Variants in GLRB observed in about 807,000 individuals in gnomAD.
GLRB encodes the protein glycine receptor subunit beta.
A neutral mutation model predicts 54.2 loss-of-function variants in GLRB; 33 were observed. The ratio of observed to expected loss-of-function variants is 0.61; its 90% CI spans 0.46 to 0.81. The LOEUF (loss-of-function observed/expected upper bound fraction) is 0.81. Among genes scored for constraint, GLRB ranks in the 40% least tolerant of loss-of-function variants. The pLI is 0.00. For missense variants in GLRB, 572 were observed against 584.6 expected (o/e 0.98, Z 0.22); for synonymous variants, 209 against 208.2 (o/e 1.00, Z -0.03).
chr4:157,087,424 TCTC>T (rs892383695), intron 2 of GLRB, among the ~76,000 whole-genome samples: 2 of 152,106 alleles, frequency 1.3e-5, no homozygotes, highest in Non-Finnish European at 2.9e-5. Context: ...ATCTCAATAA[TCTC>T]CTAATTTTAT....
At chr4:157,162,161 T>A (rs1169948982) in intron 9 of GLRB, among the ~76,000 whole-genome samples, 1 of 152,220 alleles carries the variant, frequency 6.6e-6, no homozygotes, top group Non-Finnish European at 1.5e-5. Context: ...GTAGTTCTCG[T>A]GCCATGGTTT....
At chr4:157,078,924 C>T (rs887261086) in intron 2 of GLRB, among the ~76,000 whole-genome samples, 3 of 152,270 alleles carry the variant, frequency 2.0e-5, no homozygotes, top group East Asian at 1.9e-4. Flanking sequence ...AGGTGCCCAC[C>T]ACCACGCCCA....
rs1333623955 is a variant in GLRB at position 157,120,080 on chromosome 4, G to GT, written c.123-475dup. Among the ~76,000 whole-genome samples, 11 of 151,826 alleles carry GT rather than the reference G, an allele frequency of 7.2e-5. No individual in the cohort carries two copies. The South Asian group carries it at 2.1e-3, about 29-fold the overall frequency. On this transcript the variant is annotated intron_variant, in intron 2 of 9. Transcript: ENST00000264428. ...AAAAAATGGTGAGTTCATGTCCTTT[G>GT]TAGGGACATGGATGAAACTGGAAAT... is the stretch of plus-strand genomic sequence containing the variant.
chr4:157,138,851 G>C lies in GLRB; in HGVS notation c.653G>C (p.Gly218Ala), dbSNP rs146321769. 1 of 1,565,202 alleles carries C rather than the reference G, an allele frequency of 6.4e-7. No homozygotes were observed. Among genetic ancestry groups the C allele is most frequent in the Non-Finnish European group, 8.8e-7 (1 of 1,136,440 alleles). ...GATTTACGATTTATCTGGCAGTCAG[G>C]AGATCCTGTGCAATTAGAAAAAATT... Reference protein sequence around the residue: ...TDDLRFIWQSGDPVQLEKIAL... With the variant: ...TDDLRFIWQSADPVQLEKIAL... The change falls in exon 7 of 10, where the codon GGA becomes GCA. Residue 218 changes from glycine (G) to alanine (A), a missense_variant. Coordinates refer to ENST00000264428, the MANE Select transcript of GLRB (RefSeq NM_000824.5).
Position 157,166,486 on chromosome 4 carries a change from G to C in GLRB, c.1198-3946G>C, listed in dbSNP as rs530861649. Among the ~76,000 whole-genome samples the C allele has an allele frequency of 1.4e-3, 211 of 152,054 alleles. 2 individuals are homozygous for C. The highest frequency in any genetic ancestry group is 4.7e-3 in the African/African-American group (196 of 41,524). ...CTTTGTGTAAAATCTGTGATGAATG[G>C]GGCAAGGAGACTAGCCAACTACTTA... On this transcript the variant is annotated intron_variant, in intron 9 of 9. Coordinates refer to ENST00000264428, the MANE Select transcript of GLRB (RefSeq NM_000824.5).
chr4:157,157,629 T>C (rs1737285190), intron 9 of GLRB, among the ~76,000 whole-genome samples: 1 of 152,168 alleles, frequency 6.6e-6, no homozygotes, highest in African/African-American at 2.4e-5. Context: ...CTCAGAATGA[T>C]TGTTTCCAGC....
chr4:157,160,109 G>C (rs1480033915), intron 9 of GLRB, among the ~76,000 whole-genome samples: 2 of 152,146 alleles, frequency 1.3e-5, no homozygotes, highest in African/African-American at 4.8e-5. Flanking sequence ...AGATTTTCTA[G>C]TTTATTTGTG....
intron 2 of GLRB, among the ~76,000 whole-genome samples, chr4:157,117,591 G>C (rs1390317344): frequency 6.6e-6 from 1 of 151,624 alleles, no homozygotes; most frequent in South Asian, 2.1e-4. Flanking sequence ...TCAATGCTGG[G>C]AAGATTCTGA....
Position 157,087,143 on chromosome 4 carries a change from G to T in GLRB, c.122+8997G>T, listed in dbSNP as rs546849422. Among the ~76,000 whole-genome samples, 232 of 152,244 alleles carry T rather than the reference G, an allele frequency of 1.5e-3. 1 individual carries two copies. Among genetic ancestry groups the T allele is most frequent in the African/African-American group, 5.3e-3 (220 of 41,552 alleles). On this transcript the variant is annotated intron_variant, in intron 2 of 9. Coordinates refer to ENST00000264428, the MANE Select transcript of GLRB (RefSeq NM_000824.5). Reference sequence around the variant, plus strand: ...TAGTTCAAAGAAAATTAAATGGATAGCTGATGATATAGACAAATCCTAAAT... The same window carrying T: ...TAGTTCAAAGAAAATTAAATGGATATCTGATGATATAGACAAATCCTAAAT...
At chr4:157,142,935 G>T (rs538650494) in intron 7 of GLRB, among the ~76,000 whole-genome samples, 1 of 151,940 alleles carries the variant, frequency 6.6e-6, no homozygotes, top group Non-Finnish European at 1.5e-5. Context: ...AAATAATCTC[G>T]AACATCTGGA....
intron 7 of GLRB, among the ~76,000 whole-genome samples, chr4:157,140,384 C>T (rs1736563143): frequency 6.6e-6 from 1 of 151,840 alleles, no homozygotes; most frequent in South Asian, 2.1e-4. Flanking sequence ...TATTAAATGT[C>T]ACCAGGCAAA....
At chr4:157,126,441 G>A (rs1467997663) in intron 4 of GLRB, among the ~76,000 whole-genome samples, 3 of 151,678 alleles carry the variant, frequency 2.0e-5, no homozygotes, top group African/African-American at 4.8e-5. Flanking sequence ...GTGCTCATTT[G>A]TATTTTGCTA....
intron 2 of GLRB, among the ~76,000 whole-genome samples, chr4:157,098,045 A>G (rs1734878709): frequency 1.3e-5 from 2 of 151,922 alleles, no homozygotes; most frequent in South Asian, 2.1e-4. Context: ...GAAATTTCCC[A>G]TATGCCCTAT....
chr4:157,162,523 G>A (rs1401316110), intron 9 of GLRB, among the ~76,000 whole-genome samples: 2 of 152,174 alleles, frequency 1.3e-5, no homozygotes, highest in Non-Finnish European at 2.9e-5. Flanking sequence ...GTTTTGGTGT[G>A]TATGTCCTTT....
At chr4:157,125,904 T>C (rs1735999419) in intron 4 of GLRB, among the ~76,000 whole-genome samples, 1 of 151,906 alleles carries the variant, frequency 6.6e-6, no homozygotes, top group African/African-American at 2.4e-5. Flanking sequence ...GCTGAGATCA[T>C]GCCAAAGGAA....
rs769096368 is a variant in GLRB, at chr4:157,122,404, T to C, written c.297+7T>C. On this transcript the variant is annotated splice_region_variant and intron_variant, in intron 4 of 9. Coordinates refer to ENST00000264428, the MANE Select transcript of GLRB (RefSeq NM_000824.5). ...CATTCAAGAAACAACAATGGTAAGA[T>C]TGCAATTAATTTAATATTTTGTCAA... The C allele has an allele frequency of 5.7e-6, 6 of 1,059,566 alleles. No individual in the cohort carries two copies. In the African/African-American group the frequency reaches 8.0e-5, roughly 14 times the overall value. 65.6% of individuals were successfully genotyped at this position (1,059,566 alleles called of 1,614,324 possible).
intron 6 of GLRB, among the ~76,000 whole-genome samples, chr4:157,137,791 C>G (rs1736459744): frequency 6.6e-6 from 1 of 152,124 alleles, no homozygotes; most frequent in Non-Finnish European, 1.5e-5. Flanking sequence ...GCCTGCATGT[C>G]AAGATGTACT....
intron 2 of GLRB, among the ~76,000 whole-genome samples, chr4:157,119,381 G>A (rs1735719604): frequency 6.6e-6 from 1 of 151,424 alleles, no homozygotes; most frequent in Admixed American, 6.6e-5. Flanking sequence ...CCATCTCTCT[G>A]GTCAGATTGT....
At chr4:157,125,484 G>T (rs963891949) in intron 4 of GLRB, among the ~76,000 whole-genome samples, 1 of 151,758 alleles carries the variant, frequency 6.6e-6, no homozygotes, top group Admixed American at 6.6e-5. Flanking sequence ...TGACTTTTTG[G>T]TTGTCATACA....
Sources: allele counts gnomAD v4.1 joint callset (sites outside exome capture counted in the v4.1 genomes callset), GRCh38; gene constraint gnomAD v4.1.1; transcripts MANE v1.5; gene names NCBI Gene and HGNC (gene_info 2026-07-23, HGNC 2026-07-21).